COL6A6: variants seen among roughly 807,000 people sequenced by gnomAD.
COL6A6 encodes collagen alpha-6(VI) chain.
A neutral mutation model predicts 208.6 loss-of-function variants in COL6A6; 183 were observed. The ratio of observed to expected loss-of-function variants is 0.88; its 90% CI spans 0.78 to 0.99. COL6A6 has a LOEUF of 0.99. COL6A6 is among the 50% of genes least tolerant of loss of function. The probability of loss-of-function intolerance (pLI) is 0.00; values close to 1 mark genes in which losing one functional copy is unlikely to be tolerated. For synonymous variants in COL6A6, 973 were observed against 1,011.8 expected (o/e 0.96, Z 0.73); for missense variants, 2,816 against 2,815.2 (o/e 1.00, Z -0.01).
chr3:130,565,453 A>G lies in COL6A6; in HGVS notation c.1121A>G (p.Gln374Arg). 2 of 1,613,944 alleles carry G rather than the reference A, an allele frequency of 1.2e-6. No homozygotes were observed. The highest frequency in any genetic ancestry group is 1.7e-6 in the Non-Finnish European group (2 of 1,179,852). ...GGCATAGAGGGCGCCAGCGACACCC[A>G]GTTGGAAAAGATAGCATCCCACCCT... ...TLGIEGASDT[Q>R]LEKIASHPAE... is the part of the protein sequence containing the mutation. Residue 374 changes from glutamine to arginine, a missense_variant, in exon 4 of 37, where the codon CAG (glutamine) becomes CGG (arginine). Transcript: ENST00000358511.
chr3:130,606,559 G>T (rs544800319), intron 20 of COL6A6, among the ~76,000 whole-genome samples: 18 of 152,230 alleles, frequency 1.2e-4, no homozygotes, highest in African/African-American at 4.1e-4. Flanking sequence ...GGATTCCTTG[G>T]TAGTGCTTAA....
At chr3:130,588,478 C>A (rs1452400426) in intron 11 of COL6A6, among the ~76,000 whole-genome samples, 1 of 152,092 alleles carries the variant, frequency 6.6e-6, no homozygotes, top group African/African-American at 2.4e-5. Context: ...GATGTTTTTA[C>A]CAGAGTATAA....
chr3:130,576,141 C>G (rs1341044470), intron 8 of COL6A6, among the ~76,000 whole-genome samples: 1 of 152,158 alleles, frequency 6.6e-6, no homozygotes, highest in East Asian at 1.9e-4. Flanking sequence ...TCACAGCCCT[C>G]CAGCGTGATT....
In COL6A6 at chr3:130,642,816, T is replaced by G; in HGVS notation, c.5155-16T>G. 6.2e-7 allele frequency: 1 copy of G among 1,610,764 alleles called. No individual in the cohort carries two copies. The highest frequency in any genetic ancestry group is 8.5e-7 in the Non-Finnish European group (1 of 1,177,366). On this transcript the variant is annotated splice_polypyrimidine_tract_variant and intron_variant, in intron 29 of 36. Coordinates refer to ENST00000358511, the MANE Select transcript of COL6A6 (RefSeq NM_001102608.3). ...TGTCTAGAGGCATTAAAACAATGTT[T>G]TGTTTGTTTTCCTAGGGTGTGAAAG... is the stretch of plus-strand genomic sequence containing the variant.
intron 25 of COL6A6, 89 bp from the exon 26 acceptor site, chr3:130,627,230 C>A: frequency 7.7e-7 from 1 of 1,297,804 alleles, no homozygotes; most frequent in Non-Finnish European, 1.1e-6. Flanking sequence ...CTTTATCAAA[C>A]CAAAAAGCTG....
intron 1 of COL6A6, among the ~76,000 whole-genome samples, chr3:130,528,377 T>A (rs1405622977): frequency 6.6e-6 from 1 of 152,166 alleles, no homozygotes; most frequent in African/African-American, 2.4e-5. Context: ...GCATTTCTGA[T>A]CCCCAGTGAT....
At chr3:130,537,163 TTGTC>T (rs1327738709) in intron 1 of COL6A6, among the ~76,000 whole-genome samples, 3 of 152,248 alleles carry the variant, frequency 2.0e-5, no homozygotes, top group Admixed American at 6.5e-5. Flanking sequence ...AGCAATTAGA[TTGTC>T]TGTTTCCCTT....
At chr3:130,518,752 C>T (rs1394320658) in intron 1 of COL6A6, among the ~76,000 whole-genome samples, 2 of 152,068 alleles carry the variant, frequency 1.3e-5, no homozygotes, top group African/African-American at 2.4e-5. Flanking sequence ...GTGATCCGCC[C>T]GCCTCAGCCT....
At chr3:130,535,049 G>T (rs2062190677) in intron 1 of COL6A6, among the ~76,000 whole-genome samples, 2 of 152,030 alleles carry the variant, frequency 1.3e-5, no homozygotes, top group African/African-American at 2.4e-5. Flanking sequence ...CCACCCAAGA[G>T]AACTCATAGT....
intron 15 of COL6A6, 52 bp downstream of exon 15, chr3:130,592,774 TTTTA>T: frequency 6.7e-7 from 1 of 1,483,590 alleles, no homozygotes; most frequent in Non-Finnish European, 9.2e-7. Flanking sequence ...CTAGAAATAT[TTTTA>T]TTTTTGAGAT....
intron 17 of COL6A6, 45 bp from the exon 18 acceptor site, chr3:130,594,236 T>C: frequency 2.9e-6 from 4 of 1,392,544 alleles, no homozygotes; most frequent in Non-Finnish European, 4.1e-6. Flanking sequence ...TTAATTTTAT[T>C]AAAACTTCTT....
At chr3:130,541,346 T>C (rs1030139814) in intron 1 of COL6A6, among the ~76,000 whole-genome samples, 1 of 152,236 alleles carries the variant, frequency 6.6e-6, no homozygotes, top group Admixed American at 6.5e-5. Flanking sequence ...TGCTGAATAC[T>C]ATTCCAATGT....
At chr3:130,520,379 G>A (rs1710994640) in intron 1 of COL6A6, among the ~76,000 whole-genome samples, 1 of 152,136 alleles carries the variant, frequency 6.6e-6, no homozygotes, top group African/African-American at 2.4e-5. Context: ...AAAAATAACT[G>A]AATCTTATTC....
At position 130,635,698 on chromosome 3, in the gene COL6A6, G is replaced by C. The variant is rs376720475; in HGVS notation, c.5029-1G>C. On this transcript the variant is annotated splice_acceptor_variant, in intron 27 of 36. Coordinates refer to ENST00000358511, the MANE Select transcript of COL6A6 (RefSeq NM_001102608.3). LOFTEE classifies it high-confidence loss of function. ...TATTTTACTTTAATAAATGTATTTA[G>C]GGTGAGATTGGGGACCCTGGTGGTC... 4.1e-5 allele frequency: 65 copies of C among 1,600,022 alleles called. No homozygotes were observed. The African/African-American group carries it at 7.2e-4, about 18-fold the overall frequency.
chr3:130,581,797 CT>C lies in COL6A6; in HGVS notation c.3785del (p.Leu1262ArgfsTer4). ...PKFEIYSENI[L>X]NSLKDITVKG... ...GTTTGAGATCTACAGTGAAAACATA[CT>C]GAATAGCTTGAAGGATATAACAGTT... On this transcript the variant is annotated frameshift_variant, in exon 9 of 37. Transcript: ENST00000358511. LOFTEE classifies it high-confidence loss of function. The C allele has an allele frequency of 1.2e-6, 2 of 1,613,188 alleles. No individual in the cohort carries two copies. The highest frequency in any genetic ancestry group is 1.7e-6 in the Non-Finnish European group (2 of 1,179,162).
intron 19 of COL6A6, 100 bp downstream of exon 19, chr3:130,598,530 T>C (rs2063913411): frequency 1.3e-6 from 1 of 781,708 alleles, no homozygotes; most frequent in Admixed American, 2.3e-5. Flanking sequence ...GGAATCAAAG[T>C]GGATATACTT....
chr3:130,589,269 A>T, intron 12 of COL6A6, 87 bp downstream of exon 12: 1 of 853,548 alleles, frequency 1.2e-6, no homozygotes, highest in Non-Finnish European at 1.9e-6. Context: ...GGTGATTTTT[A>T]ACTTCTAAAT....
At chr3:130,570,026 A>G (rs953451741) in intron 6 of COL6A6, among the ~76,000 whole-genome samples, 2 of 152,220 alleles carry the variant, frequency 1.3e-5, no homozygotes, top group African/African-American at 4.8e-5. Flanking sequence ...AATGTGCTAC[A>G]TAAGGACTAA....
At chr3:130,667,168 A>T (rs2066094343) in intron 36 of COL6A6, among the ~76,000 whole-genome samples, 1 of 152,334 alleles carries the variant, frequency 6.6e-6, no homozygotes, top group South Asian at 2.1e-4. Context: ...ATAACCACAG[A>T]AGAAGGGAAT....
Sources: allele counts gnomAD v4.1 joint callset (sites outside exome capture counted in the v4.1 genomes callset), GRCh38; gene constraint gnomAD v4.1.1; transcripts MANE v1.5; gene names NCBI Gene and HGNC (gene_info 2026-07-23, HGNC 2026-07-21).